Variants in ECE2 observed in about 807,000 individuals in gnomAD.
ECE2 encodes endothelin converting enzyme 2.
Under a neutral mutation model 100.6 loss-of-function variants are expected in ECE2, and 81 were observed. The ratio of observed to expected loss-of-function variants is 0.81; its 90% CI spans 0.67 to 0.97. ECE2 has a LOEUF of 0.97. Among genes scored for constraint, ECE2 ranks in the 50% least tolerant of loss-of-function variants. The pLI is 0.00. For missense variants in ECE2, 911 were observed against 988.1 expected (o/e 0.92, Z 1.05); for synonymous variants, 391 against 391.5 (o/e 1.00, Z 0.02).
At chr3:184,288,593 GA>G (rs2108431191) in intron 11 of ECE2, among the ~76,000 whole-genome samples, 1 of 152,206 alleles carries the variant, frequency 6.6e-6, no homozygotes, top group South Asian at 2.1e-4. Flanking sequence ...TAGGGTAAAG[GA>G]AAAATAAATT....
intron 7 of ECE2, among the ~76,000 whole-genome samples, chr3:184,280,287 C>A (rs779361608): frequency 6.6e-6 from 1 of 152,190 alleles, no homozygotes; most frequent in Non-Finnish European, 1.5e-5. Context: ...GTTGATTAAT[C>A]TCTCTGAGGC....
chr3:184,283,601 GAAGT>G (rs1249397749), intron 7 of ECE2, among the ~76,000 whole-genome samples, 180 bp from the exon 8 acceptor site: 1 of 132,288 alleles, frequency 7.6e-6, no homozygotes, highest in Non-Finnish European at 1.6e-5. Context: ...AGAAGAAGAA[GAAGT>G]AAGTAAACAA....
Position 184,291,081 on chromosome 3 carries a change from C to A in ECE2, c.1876C>A (p.Gln626Lys). 1 of 1,588,196 alleles carries A rather than the reference C, an allele frequency of 6.3e-7. No individual in the cohort carries two copies. The highest frequency in any genetic ancestry group is 8.6e-7 in the Non-Finnish European group (1 of 1,165,200). Reference sequence around the variant, plus strand: ...AGAAGGGAACCTGCGGCCCTGGTGGCAGAATGAGTCCCTGGCAGCCTTCCG... The same window carrying A: ...AGAAGGGAACCTGCGGCCCTGGTGGAAGAATGAGTCCCTGGCAGCCTTCCG... ...DKEGNLRPWW[Q>K]NESLAAFRNH... Residue 626 changes from glutamine (Q) to lysine (K), a missense_variant, in exon 17 of 19, where the codon CAG becomes AAG. Physicochemically the swap from Gln to Lys is moderately conservative, Grantham distance 53. Transcript: ENST00000404464. This position sits in a 1 kb window ranked among gnomAD's most constrained non-coding sequence, Gnocchi z 4.1.
intron 2 of ECE2, 47 bp downstream of exon 2, chr3:184,276,614 T>A (rs1720564088): frequency 6.3e-7 from 1 of 1,590,482 alleles, no homozygotes; most frequent in South Asian, 1.1e-5. Context: ...AGCCCTGGCA[T>A]GACGCCTGGC....
chr3:184,276,620 C>G, intron 2 of ECE2, 53 bp downstream of exon 2: 1 of 1,588,002 alleles, frequency 6.3e-7, no homozygotes, highest in South Asian at 1.1e-5. Flanking sequence ...GGCATGACGC[C>G]TGGCACACCC....
rs1720684149 is a variant in ECE2 at position 184,278,697 on chromosome 3, TTTC to T, written c.816+146_816+148del. The T allele has an allele frequency of 5.6e-5, 10 of 179,494 alleles. No individual in the cohort carries two copies. The East Asian group carries it at 9.7e-4, about 17-fold the overall frequency. The allele number at this position is 179,494 out of a possible 1,614,324, so 11.1% of individuals were successfully genotyped here. On this transcript the variant is annotated intron_variant, in intron 7 of 18. Coordinates refer to ENST00000404464, the MANE Select transcript of ECE2 (RefSeq NM_001100121.2). The stretch of plus-strand genomic sequence containing the variant: ...TAGTGAACAAACTGCCCCTCCTTTC[TTTC>T]TTCTTTTCTTCCTCCCTCCCTCCCT...
At position 184,291,572 on chromosome 3, in the gene ECE2, C is replaced by A; in HGVS notation, c.2121+133C>A. 2 of 920,496 alleles carry A rather than the reference C, an allele frequency of 2.2e-6. No individual in the cohort carries two copies. Among genetic ancestry groups the A allele is most frequent in the Non-Finnish European group, 3.2e-6 (2 of 634,806 alleles). The allele number at this position is 920,496 out of a possible 1,614,324, so 57.0% of individuals were successfully genotyped here. On this transcript the variant is annotated intron_variant, in intron 18 of 18. Transcript: ENST00000404464. The surrounding 1 kb of genome is among the most constrained non-coding windows in gnomAD (Gnocchi z 4.1). ...CTGAGGCTGGGGCATGAAAGGTGGG[C>A]TGGGAAGGCCCATGCCCAGAGCCTC...
Position 184,277,361 on chromosome 3 carries a change from T to G in ECE2, c.373T>G (p.Cys125Gly), listed in dbSNP as rs769304306. The G allele has an allele frequency of 6.2e-7, 1 of 1,614,142 alleles. No individual in the cohort carries two copies. The highest frequency in any genetic ancestry group is 8.5e-7 in the Non-Finnish European group (1 of 1,180,050). The change falls in exon 4 of 19, where the codon TGT becomes GGT. Residue 125 changes from cysteine to glycine, a missense_variant. Transcript: ENST00000404464. ...SPCEDFYQFS[C>G]GGWIRRNPLP... The stretch of plus-strand genomic sequence containing the variant: ...CTGTGAGGACTTTTACCAGTTCTCC[T>G]GTGGGGGCTGGATTCGGAGGAACCC...
chr3:184,288,025 C>T lies in ECE2; in HGVS notation c.1374+78C>T, dbSNP rs1439471586. 26 of 1,392,854 alleles carry T rather than the reference C, an allele frequency of 1.9e-5. 1 individual carries two copies. The highest frequency in any genetic ancestry group is 4.9e-5 in the South Asian group (4 of 82,240). 86.3% of individuals were successfully genotyped at this position (1,392,854 alleles called of 1,614,324 possible). On this transcript the variant is annotated intron_variant, in intron 11 of 18. Coordinates refer to ENST00000404464, the MANE Select transcript of ECE2 (RefSeq NM_001100121.2). ...TATGTGCAGACATATAGAAAAACAA[C>T]GGGAGCCAGGCGCGGTGGCTCACGC... is the stretch of plus-strand genomic sequence containing the variant.
intron 9 of ECE2, 96 bp downstream of exon 9, chr3:184,285,201 T>A: frequency 2.0e-6 from 3 of 1,482,548 alleles, no homozygotes; most frequent in Non-Finnish European, 2.7e-6. Flanking sequence ...CAACATTTGG[T>A]AATGCTATGG....
chr3:184,279,795 C>T (rs962499110), intron 7 of ECE2, among the ~76,000 whole-genome samples: 1 of 151,994 alleles, frequency 6.6e-6, no homozygotes, highest in African/African-American at 2.4e-5. Context: ...TGGAGGGGAC[C>T]TTGAATAGCA....
rs1055556099 is a variant in ECE2 at position 184,277,124 on chromosome 3, T to C, written c.262+97T>C. 2.5e-6 allele frequency: 4 copies of C among 1,599,262 alleles called. No individual in the cohort carries two copies. In the Admixed American group the frequency reaches 5.2e-5, roughly 21 times the overall value. The stretch of plus-strand genomic sequence containing the variant: ...TCACTTGTGGGAACCAAGCCTTCCC[T>C]GCAGAAAAGCCCCCGGCTTTGCTTT... On this transcript the variant is annotated intron_variant, in intron 3 of 18. Coordinates refer to ENST00000404464, the MANE Select transcript of ECE2 (RefSeq NM_001100121.2).
rs1007894024 is a variant in ECE2 at position 184,287,230 on chromosome 3, C to A, written c.1264-607C>A. Among the ~76,000 whole-genome samples the A allele has an allele frequency of 2.0e-5, 3 of 149,730 alleles. No homozygotes were observed. In the South Asian group the frequency reaches 6.4e-4, roughly 32 times the overall value. On this transcript the variant is annotated intron_variant, in intron 10 of 18. Coordinates refer to ENST00000404464, the MANE Select transcript of ECE2 (RefSeq NM_001100121.2). Reference sequence around the variant, plus strand: ...GGTGGAGCTTGCAGTGAGCTGAGATCGCACCACTGCACTCCAGTCTGGGTG... The same window carrying A: ...GGTGGAGCTTGCAGTGAGCTGAGATAGCACCACTGCACTCCAGTCTGGGTG...
Position 184,290,674 on chromosome 3 carries a change from C to T in ECE2, c.1766+7C>T. The stretch of plus-strand genomic sequence containing the variant: ...ATGCCCGCAACCACCCCAAGTGTGT[C>T]TGAAGCAGGAGGGGCTGGGTGCTGG... On this transcript the variant is annotated splice_region_variant and intron_variant, in intron 15 of 18. Coordinates refer to ENST00000404464, the MANE Select transcript of ECE2 (RefSeq NM_001100121.2). The T allele has an allele frequency of 6.2e-7, 1 of 1,613,830 alleles. No homozygotes were observed. The highest frequency in any genetic ancestry group is 1.1e-5 in the South Asian group (1 of 91,028).
intron 7 of ECE2, among the ~76,000 whole-genome samples, chr3:184,281,485 C>A (rs1238595765): frequency 6.6e-6 from 1 of 152,206 alleles, no homozygotes; most frequent in Non-Finnish European, 1.5e-5. Flanking sequence ...GCAGGAGGGG[C>A]ATGCGGGCCA....
At chr3:184,288,314 A>T (rs1313648635) in intron 11 of ECE2, among the ~76,000 whole-genome samples, 1 of 123,458 alleles carries the variant, frequency 8.1e-6, no homozygotes, top group African/African-American at 3.0e-5. Flanking sequence ...TGTCTCAAAA[A>T]AAAAAAAAAA....
chr3:184,280,738 G>A (rs1256342545), intron 7 of ECE2, among the ~76,000 whole-genome samples: 2 of 152,130 alleles, frequency 1.3e-5, no homozygotes, highest in Non-Finnish European at 2.9e-5. Context: ...CAGCACTTTG[G>A]GAGGCCAAGG....
Position 184,291,807 on chromosome 3 carries a change from C to T in ECE2, c.2122-255C>T. The T allele has an allele frequency of 1.8e-6, 1 of 550,852 alleles. No individual in the cohort carries two copies. The highest frequency in any genetic ancestry group is 2.8e-5 in the South Asian group (1 of 36,260). The allele number at this position is 550,852 out of a possible 1,614,324, so 34.1% of individuals were successfully genotyped here. Reference sequence around the variant, plus strand: ...GCAGAGTGGCCTGTCCAGGGCTGCCCAGGAATAGAGTAAGTGGCAGAGCAA... The same window carrying T: ...GCAGAGTGGCCTGTCCAGGGCTGCCTAGGAATAGAGTAAGTGGCAGAGCAA... On this transcript the variant is annotated intron_variant, in intron 18 of 18. Transcript: ENST00000404464. The surrounding 1 kb of genome is among the most constrained non-coding windows in gnomAD (Gnocchi z 4.1).
intron 8 of ECE2, 25 bp downstream of exon 8, chr3:184,283,998 CA>C (rs1381618188): frequency 6.2e-7 from 1 of 1,611,594 alleles, no homozygotes; most frequent in African/African-American, 1.3e-5. Context: ...GGGCTGGAGA[CA>C]ACTGAGAGGG....
Sources: allele counts gnomAD v4.1 joint callset (sites outside exome capture counted in the v4.1 genomes callset), GRCh38; gene constraint gnomAD v4.1.1; non-coding constraint Gnocchi (gnomAD v3.1); transcripts MANE v1.5; gene names NCBI Gene and HGNC (gene_info 2026-07-23, HGNC 2026-07-21).